The following SIPA1L3 variants were observed in gnomAD, a reference collection of about 807,000 sequenced individuals.
SIPA1L3 encodes signal-induced proliferation-associated 1-like protein 3.
Under a neutral mutation model 150.1 loss-of-function variants are expected in SIPA1L3, and 59 were observed. The ratio of observed to expected loss-of-function variants is 0.39; its 90% CI spans 0.32 to 0.49. The LOEUF (loss-of-function observed/expected upper bound fraction) is 0.49, where lower values mean the gene tolerates loss of function less well. Among genes scored for constraint, SIPA1L3 ranks in the 20% least tolerant of loss-of-function variants. The pLI is 0.86. For missense variants in SIPA1L3, 2,211 were observed against 2,489.5 expected, an observed-to-expected ratio of 0.89 and a Z score of 2.38; for synonymous variants, 1,070 against 1,077.6, an observed-to-expected ratio of 0.99 and a Z score of 0.14.
intron 2 of SIPA1L3, among the ~76,000 whole-genome samples, chr19:38,035,387 A>G (rs1225850783): frequency 6.6e-6 from 1 of 152,148 alleles, no homozygotes; most frequent in African/African-American, 2.4e-5. Flanking sequence ...CTGCAGGTAA[A>G]CAACCCAGAG....
In SIPA1L3 at chr19:38,192,241, C is replaced by T. The variant is rs59655650; in HGVS notation, c.4527C>T (p.Thr1509=). ...CACCACGGAAGAACTACAAATCCAC[C>T]ATCGAGGATGACCTGAAGAAACTCA... The part of the protein sequence containing the change: ...LRSPRKNYKS[T]IEDDLKKLII... The change falls in exon 17 of 22, where the codon ACC becomes ACT. Residue 1509 remains threonine, a synonymous_variant. Transcript: ENST00000222345. 9,174 of 1,613,570 alleles carry T rather than the reference C, an allele frequency of 5.7e-3. 362 individuals carry two copies. In the African/African-American group the frequency reaches 0.1, roughly 18 times the overall value.
At chr19:38,074,995 A>G (rs999188327) in intron 2 of SIPA1L3, among the ~76,000 whole-genome samples, 1 of 152,164 alleles carries the variant, frequency 6.6e-6, no homozygotes, top group Non-Finnish European at 1.5e-5. Flanking sequence ...CAGCCTCCCA[A>G]AGTACGGGTA....
chr19:37,940,736 C>A (rs371925940), intron 1 of SIPA1L3, among the ~76,000 whole-genome samples: 8 of 152,130 alleles, frequency 5.3e-5, no homozygotes, highest in African/African-American at 1.9e-4. Context: ...TGTACCACCA[C>A]GCCCAGCTAA....
rs889750357 is a variant in SIPA1L3 at position 38,041,734 on chromosome 19, G to A, written c.-311+12578G>A. ...TGAGACTACAGCCACAAGCCATCAC[G>A]GCCAGCTAAGTTTTAAATTTTTTAT... is the stretch of plus-strand genomic sequence containing the variant. On this transcript the variant is annotated intron_variant, in intron 2 of 21. Transcript: ENST00000222345. Among the ~76,000 whole-genome samples, 7 of 151,866 alleles carry A rather than the reference G, an allele frequency of 4.6e-5. No individual in the cohort carries two copies. In the East Asian group the frequency reaches 9.7e-4, roughly 21 times the overall value.
chr19:38,133,725 C>T (rs1400980168), intron 10 of SIPA1L3, among the ~76,000 whole-genome samples: 1 of 152,190 alleles, frequency 6.6e-6, no homozygotes, highest in Non-Finnish European at 1.5e-5. Context: ...ACCTTTGACC[C>T]TAGGGAAGTG....
intron 2 of SIPA1L3, among the ~76,000 whole-genome samples, chr19:38,036,304 T>C (rs1163006105): frequency 1.3e-5 from 2 of 152,260 alleles, no homozygotes; most frequent in African/African-American, 4.8e-5. Context: ...AGACCTTTCA[T>C]GCAGCCTTGC....
intron 17 of SIPA1L3, 137 bp downstream of exon 17, chr19:38,192,447 C>A: frequency 1.3e-6 from 1 of 787,184 alleles, no homozygotes; most frequent in Non-Finnish European, 1.9e-6. Context: ...TTGGCATCTG[C>A]CAGTCCTGTT....
At chr19:38,004,370 A>G (rs993431317) in intron 1 of SIPA1L3, among the ~76,000 whole-genome samples, 7 of 152,204 alleles carry the variant, frequency 4.6e-5, no homozygotes, top group African/African-American at 1.7e-4. Context: ...ACCAACTCAA[A>G]TAGACATAAA....
chr19:38,180,792 G>A (rs972920506), intron 15 of SIPA1L3, among the ~76,000 whole-genome samples: 15 of 152,092 alleles, frequency 9.9e-5, no homozygotes, highest in East Asian at 7.7e-4. Flanking sequence ...TTATCTGCCC[G>A]CCTTGGCCTC....
At chr19:37,943,814 G>A (rs763695171) in intron 1 of SIPA1L3, among the ~76,000 whole-genome samples, 7 of 152,282 alleles carry the variant, frequency 4.6e-5, no homozygotes, top group Middle Eastern at 3.4e-3. Flanking sequence ...TTCTCTTAGC[G>A]TGGTCTCCTG....
Position 38,142,708 on chromosome 19 carries a change from A to T in SIPA1L3, c.3531A>T (p.Glu1177Asp). 1 of 1,612,764 alleles carries T rather than the reference A, an allele frequency of 6.2e-7. No individual in the cohort carries two copies. Among genetic ancestry groups the T allele is most frequent in the Non-Finnish European group, 8.5e-7 (1 of 1,179,118 alleles). ...ACGTGAGATACAAGCCATCCCCAGA[A>T]AGGTCAGCCTCCCTCAATTCTTTTC... Reference protein sequence around the residue: ...ATYVRYKPSPERYTAAPHPLL... With the variant: ...ATYVRYKPSPDRYTAAPHPLL... Residue 1177 changes from glutamate to aspartate, a missense_variant and splice_region_variant, in exon 12 of 22, where the codon GAA becomes GAT. By Grantham distance (45) the Glu-to-Asp change is conservative. Coordinates refer to ENST00000222345, the MANE Select transcript of SIPA1L3 (RefSeq NM_015073.3).
intron 1 of SIPA1L3, among the ~76,000 whole-genome samples, chr19:37,965,543 T>C (rs1178145923): frequency 6.6e-6 from 1 of 152,132 alleles, no homozygotes; most frequent in Admixed American, 6.6e-5. Context: ...CTCAATCTCC[T>C]AACCTCATGA....
rs118069290 is a variant in SIPA1L3 at position 38,044,414 on chromosome 19, G to A, written c.-311+15258G>A. On this transcript the variant is annotated intron_variant, in intron 2 of 21. Coordinates refer to ENST00000222345, the MANE Select transcript of SIPA1L3 (RefSeq NM_015073.3). ...GAAGAGCGAAGCTGTGCGGAGAGAC[G>A]GCGAGGAATCAGCGAAGGAGGCTGG... Among the ~76,000 whole-genome samples, 83 of 152,284 alleles carry A rather than the reference G, an allele frequency of 5.5e-4. 2 individuals are homozygous for A. The East Asian group carries it at 0.011, about 20-fold the overall frequency.
rs1970031342 is a variant in SIPA1L3, at chr19:38,082,738, C to T, written c.1173C>T (p.Ser391=). The T allele has an allele frequency of 1.9e-6, 3 of 1,612,566 alleles. No homozygotes were observed. Among genetic ancestry groups the T allele is most frequent in the Non-Finnish European group, 8.5e-7 (1 of 1,179,796 alleles). The change falls in exon 3 of 22, where the codon AGC becomes AGT. Residue 391 remains serine (S), a synonymous_variant. Coordinates refer to ENST00000222345, the MANE Select transcript of SIPA1L3 (RefSeq NM_015073.3). ...MASLTASRAH[S]LGGLDPAFTS... ...CCCTCACGGCCTCGCGGGCCCACAGCCTCGGAGGCCTGGACCCGGCCTTCA... is the reference window on the plus strand; with the variant it reads ...CCCTCACGGCCTCGCGGGCCCACAGTCTCGGAGGCCTGGACCCGGCCTTCA...
chr19:38,094,615 G>T (rs1198324394), intron 4 of SIPA1L3, among the ~76,000 whole-genome samples: 1 of 152,116 alleles, frequency 6.6e-6, no homozygotes, highest in East Asian at 1.9e-4. Flanking sequence ...GCAAAAAAAT[G>T]TAGCTTCCTG....
chr19:38,074,753 G>A (rs1969802983), intron 2 of SIPA1L3, among the ~76,000 whole-genome samples: 2 of 152,222 alleles, frequency 1.3e-5, no homozygotes, highest in Non-Finnish European at 2.9e-5. Flanking sequence ...TGTGTATGTG[G>A]TGTTTTGTTG....
At chr19:37,928,349 T>C (rs2046524792) in intron 1 of SIPA1L3, among the ~76,000 whole-genome samples, 1 of 152,114 alleles carries the variant, frequency 6.6e-6, no homozygotes, top group Non-Finnish European at 1.5e-5. Context: ...GGCAGGTGGA[T>C]CATTTGAGGC....
intron 18 of SIPA1L3, among the ~76,000 whole-genome samples, chr19:38,195,019 C>T (rs980228157): frequency 2.0e-5 from 3 of 152,016 alleles, no homozygotes; most frequent in African/African-American, 4.8e-5. Context: ...CCACTGCACT[C>T]CAGCCTGGGT....
chr19:38,059,534 A>G (rs1327020783), intron 2 of SIPA1L3, among the ~76,000 whole-genome samples: 4 of 152,238 alleles, frequency 2.6e-5, no homozygotes, highest in South Asian at 2.1e-4. Context: ...ATACATTTGT[A>G]TACATTTTAA....
Sources: allele counts gnomAD v4.1 joint callset (sites outside exome capture counted in the v4.1 genomes callset), GRCh38; gene constraint gnomAD v4.1.1; transcripts MANE v1.5; gene names NCBI Gene and HGNC (gene_info 2026-07-23, HGNC 2026-07-21).